MAP4K4: variants seen among roughly 807,000 people sequenced by gnomAD.
MAP4K4 encodes the protein HPK/GCK-like kinase HGK.
In MAP4K4, 38 loss-of-function variants were observed where a neutral mutation model predicts 189.6. The ratio of observed to expected loss-of-function variants is 0.20; its 90% CI spans 0.15 to 0.26. MAP4K4 has a LOEUF of 0.26. MAP4K4 is among the 10% of genes least tolerant of loss of function. The pLI is 1.00. For missense variants in MAP4K4, 1,054 were observed against 1,726.9 expected (o/e 0.61, Z 6.91); for synonymous variants, 610 against 624.3 (o/e 0.98, Z 0.34).
At chr2:101,758,633 T>C (rs555084403) in intron 2 of MAP4K4, among the ~76,000 whole-genome samples, 1 of 152,310 alleles carries the variant, frequency 6.6e-6, no homozygotes, top group Admixed American at 6.5e-5. Context: ...GCTTCCCAGC[T>C]GTGTCCTTTG....
At chr2:101,871,373 T>G in intron 23 of MAP4K4, 121 bp from the exon 24 acceptor site, 1 of 776,806 alleles carries the variant, frequency 1.3e-6, no homozygotes, top group Non-Finnish European at 2.0e-6. Flanking sequence ...ATTTCTTTGG[T>G]TTTTCCTTGG....
chr2:101,790,770 C>T (rs745821781), exon 3 of MAP4K4: 18 of 1,608,850 alleles, frequency 1.1e-5, no homozygotes, highest in South Asian at 8.9e-5. Context: ...TTATGGATGT[C>T]ACTGAGGTAA....
chr2:101,779,445 A>T (rs568593091), intron 2 of MAP4K4, among the ~76,000 whole-genome samples: 2 of 152,300 alleles, frequency 1.3e-5, no homozygotes, highest in East Asian at 3.9e-4. Flanking sequence ...TGTGAATCTT[A>T]TACTGAGAAA....
chr2:101,820,529 T>C (rs2095987036), intron 3 of MAP4K4, among the ~76,000 whole-genome samples: 1 of 152,262 alleles, frequency 6.6e-6, no homozygotes, highest in African/African-American at 2.4e-5. Context: ...TAGTTCACTT[T>C]CTGGTCACCC....
intron 2 of MAP4K4, among the ~76,000 whole-genome samples, chr2:101,731,913 G>A (rs73943746): frequency 0.019 from 2,917 of 152,164 alleles, 105 homozygotes; most frequent in African/African-American, 0.067. Context: ...TAGTGGATAC[G>A]TTTCTTTTCT....
chr2:101,704,890 A>G (rs1276354325), intron 2 of MAP4K4, among the ~76,000 whole-genome samples: 2 of 152,074 alleles, frequency 1.3e-5, no homozygotes, highest in African/African-American at 4.8e-5. Context: ...TGTGGCAGCA[A>G]TGGTTGTTAG....
chr2:101,730,377 C>T (rs758010596), intron 2 of MAP4K4, among the ~76,000 whole-genome samples: 36 of 152,142 alleles, frequency 2.4e-4, no homozygotes, highest in Non-Finnish European at 4.4e-4. Context: ...TGTCTTGCCC[C>T]GCTCTCCTTT....
At chr2:101,747,495 C>T (rs960068552) in intron 2 of MAP4K4, among the ~76,000 whole-genome samples, 1 of 152,076 alleles carries the variant, frequency 6.6e-6, no homozygotes, top group Non-Finnish European at 1.5e-5. Context: ...ATCTGGTCCC[C>T]ATAGCAGGGG....
intron 2 of MAP4K4, among the ~76,000 whole-genome samples, chr2:101,736,802 C>CTTGGT (rs1183091312): frequency 6.6e-6 from 1 of 152,144 alleles, no homozygotes; most frequent in African/African-American, 2.4e-5. Context: ...GCTCCTGACA[C>CTTGGT]TTGGTACCTG....
At chr2:101,855,683 G>C (rs966765077) in intron 12 of MAP4K4, among the ~76,000 whole-genome samples, 1 of 152,080 alleles carries the variant, frequency 6.6e-6, no homozygotes, top group African/African-American at 2.4e-5. Flanking sequence ...CACGAATAAA[G>C]AATTTTCTGT....
intron 9 of MAP4K4, among the ~76,000 whole-genome samples, chr2:101,837,900 A>G (rs1176240208): frequency 6.6e-6 from 1 of 152,180 alleles, no homozygotes; most frequent in Non-Finnish European, 1.5e-5. Flanking sequence ...TCTTACACCA[A>G]ACTTTCTTTA....
chr2:101,787,953 G>A (rs1054479207), intron 2 of MAP4K4, among the ~76,000 whole-genome samples: 7 of 151,978 alleles, frequency 4.6e-5, no homozygotes, highest in Admixed American at 2.6e-4. Flanking sequence ...ACAGGTGCAC[G>A]CCACCACACT....
At chr2:101,698,596 C>T (rs2036037707) in intron 2 of MAP4K4, 58 bp downstream of exon 2, 2 of 1,507,764 alleles carry the variant, frequency 1.3e-6, no homozygotes, top group African/African-American at 2.7e-5. Flanking sequence ...TATTGGGGGA[C>T]GAGGAGAGGG....
chr2:101,860,876 A>C, exon 16 of MAP4K4: 1 of 1,609,482 alleles, frequency 6.2e-7, no homozygotes, highest in Non-Finnish European at 8.5e-7. Flanking sequence ...AGCCCAGTCT[A>C]AGCAGACAGG....
intron 12 of MAP4K4, among the ~76,000 whole-genome samples, chr2:101,845,648 T>C (rs1036402364): frequency 6.6e-6 from 1 of 152,198 alleles, no homozygotes; most frequent in African/African-American, 2.4e-5. Context: ...GGTAAAAATA[T>C]GATATTATAA....
chr2:101,721,560 T>G (rs1428944961), intron 2 of MAP4K4, among the ~76,000 whole-genome samples: 1 of 151,774 alleles, frequency 6.6e-6, no homozygotes, highest in Non-Finnish European at 1.5e-5. Flanking sequence ...CTCGGCTTCC[T>G]GAGTAGCTGA....
chr2:101,840,384 G>A (rs1859712), intron 10 of MAP4K4, among the ~76,000 whole-genome samples: 37,054 of 152,050 alleles, frequency 0.24, 5,472 homozygotes, highest in Non-Finnish European at 0.31. Flanking sequence ...AAGAACCCCC[G>A]CTCAGGGGAT....
chr2:101,702,852 C>T (rs182561817), intron 2 of MAP4K4, among the ~76,000 whole-genome samples: 52 of 152,218 alleles, frequency 3.4e-4, no homozygotes, highest in Admixed American at 2.9e-3. Context: ...GGGGAGCTAA[C>T]GCTAAGAGTT....
chr2:101,816,803 G>T (rs1331478263), intron 3 of MAP4K4, among the ~76,000 whole-genome samples: 1 of 152,156 alleles, frequency 6.6e-6, no homozygotes, highest in Admixed American at 6.5e-5. Flanking sequence ...CCAGCCTCTA[G>T]TTCTTCAGGC....
Sources: gnomAD v4.1 joint callset for allele counts (sites outside exome capture counted in the v4.1 genomes callset) on GRCh38, gnomAD v4.1.1 for gene constraint, MANE v1.5 for transcripts, NCBI Gene and HGNC (gene_info 2026-07-23, HGNC 2026-07-21) for gene names.